Variants in OR6C74 observed in about 807,000 individuals in gnomAD.
OR6C74 encodes olfactory receptor family 6 subfamily C member 74, also known as olfactory receptor 6C74.
For missense variants in OR6C74, 361 were observed against 362.9 expected, an observed-to-expected ratio of 0.99 and a Z score of 0.04; for synonymous variants, 142 against 134.2, an observed-to-expected ratio of 1.06 and a Z score of -0.40.
Position 55,250,671 on chromosome 12 carries a change from G to T in OR6C74, c.*2445G>T, listed in dbSNP as rs1195937153. Among the ~76,000 whole-genome samples, 3 of 151,856 alleles carry T rather than the reference G, an allele frequency of 2.0e-5. No individual in the cohort carries two copies. The highest frequency in any genetic ancestry group is 4.4e-5 in the Non-Finnish European group (3 of 67,930). ...TCTAAAAAATATTAAAATCTCATTT[G>T]TTCACCTGTTTAACTCATTTCTAAT... On this transcript the variant is annotated 3_prime_UTR_variant, in exon 2 of 2. Transcript: ENST00000343399.
rs541519242 is a variant in OR6C74, at chr12:55,253,243, A to G, written c.*5017A>G. 1.3e-5 allele frequency among the ~76,000 whole-genome samples: 2 copies of G among 152,212 alleles called. No homozygotes were observed. Among genetic ancestry groups the G allele is most frequent in the African/African-American group, 4.8e-5 (2 of 41,564 alleles). ...ATTCTAGTAAATGGGCCATAACTGA[A>G]AAGACAGTTGCAATTGAATTTACTA... On this transcript the variant is annotated 3_prime_UTR_variant, in exon 2 of 2. Transcript: ENST00000343399.
chr12:55,246,541 C>T (rs1954271164), intron 1 of OR6C74, among the ~76,000 whole-genome samples: 1 of 151,974 alleles, frequency 6.6e-6, no homozygotes, highest in African/African-American at 2.4e-5. Context: ...TTTGTAGGAC[C>T]CTCCTCTGTC....
At chr12:55,246,286 C>T (rs12581486) in intron 1 of OR6C74, among the ~76,000 whole-genome samples, 2,502 of 152,192 alleles carry the variant, frequency 0.016, 65 homozygotes, top group African/African-American at 0.05. Context: ...ATGGCCATGG[C>T]AACAGGGGGA....
In OR6C74 at chr12:55,254,078, CTCA is replaced by C. The variant is rs572921149; in HGVS notation, c.*5854_*5856del. 7.9e-5 allele frequency among the ~76,000 whole-genome samples: 12 copies of C among 152,152 alleles called. No homozygotes were observed. In the South Asian group the frequency reaches 2.3e-3, roughly 29 times the overall value. On this transcript the variant is annotated 3_prime_UTR_variant, in exon 2 of 2. Coordinates refer to ENST00000343399, the MANE Select transcript of OR6C74 (RefSeq NM_001005490.2). ...CCAATAAGTAACCACACTGAATATG[CTCA>C]TATCAGTTAAGTGCTATTACATAGC...
In OR6C74 at chr12:55,253,486, T is replaced by C. The variant is rs1403893610; in HGVS notation, c.*5260T>C. Among the ~76,000 whole-genome samples, 1 of 152,122 alleles carries C rather than the reference T, an allele frequency of 6.6e-6. No homozygotes were observed. ...TGAGGGAGACCATATGGTTTTCCAC[T>C]TGGCCCTGAATATATGTGTTTTAAC... On this transcript the variant is annotated 3_prime_UTR_variant, in exon 2 of 2. Transcript: ENST00000343399.
Position 55,256,272 on chromosome 12 carries a change from G to A in OR6C74, c.*8046G>A, listed in dbSNP as rs867558364. On this transcript the variant is annotated 3_prime_UTR_variant, in exon 2 of 2. Transcript: ENST00000343399. ...AGCCTATAAATGGACGCATTGGGGG[G>A]GCACCTGTTCATATGGATAAGATAG... 5.3e-5 allele frequency among the ~76,000 whole-genome samples: 8 copies of A among 151,872 alleles called. No individual in the cohort carries two copies. The South Asian group carries it at 1.0e-3, about 20-fold the overall frequency.
rs180706292 is a variant in OR6C74 at position 55,256,216 on chromosome 12, G to C, written c.*7990G>C. Among the ~76,000 whole-genome samples, 426 of 152,168 alleles carry C rather than the reference G, an allele frequency of 2.8e-3. 4 individuals carry two copies. The highest frequency in any genetic ancestry group is 9.7e-3 in the African/African-American group (404 of 41,524). ...TGTCCCAGAAAAGCAGATGTTCATA[G>C]CTCTGGGAATGGAATGGGACCCTTG... On this transcript the variant is annotated 3_prime_UTR_variant, in exon 2 of 2. Coordinates refer to ENST00000343399, the MANE Select transcript of OR6C74 (RefSeq NM_001005490.2).
rs1193199370 is a variant in OR6C74 at position 55,252,358 on chromosome 12, T to C, written c.*4132T>C. On this transcript the variant is annotated 3_prime_UTR_variant, in exon 2 of 2. Coordinates refer to ENST00000343399, the MANE Select transcript of OR6C74 (RefSeq NM_001005490.2). Reference sequence around the variant, plus strand: ...AATGCTTCACAATAATGTGGATCCATTTTAAATGAACTGGAAATCACAATA... The same window carrying C: ...AATGCTTCACAATAATGTGGATCCACTTTAAATGAACTGGAAATCACAATA... Among the ~76,000 whole-genome samples, 1 of 151,818 alleles carries C rather than the reference T, an allele frequency of 6.6e-6. No homozygotes were observed. The highest frequency in any genetic ancestry group is 2.4e-5 in the African/African-American group (1 of 41,400).
rs1452188633 is a variant in OR6C74 at position 55,251,853 on chromosome 12, AC to A, written c.*3628del. 2.0e-5 allele frequency among the ~76,000 whole-genome samples: 3 copies of A among 151,766 alleles called. No homozygotes were observed. Among genetic ancestry groups the A allele is most frequent in the Admixed American group, 6.6e-5 (1 of 15,230 alleles). On this transcript the variant is annotated 3_prime_UTR_variant, in exon 2 of 2. Transcript: ENST00000343399. ...TGTCATATGAGAAAATATTTAGGGT[AC>A]TAATGACATGGAGCTTGAGAAAAAA...
At chr12:55,246,331 A>T (rs1954269841) in intron 1 of OR6C74, among the ~76,000 whole-genome samples, 1 of 152,158 alleles carries the variant, frequency 6.6e-6, no homozygotes, top group Non-Finnish European at 1.5e-5. Flanking sequence ...GACAATTACG[A>T]GGGAAGTCCA....
At position 55,256,565 on chromosome 12, in the gene OR6C74, G is replaced by T. The variant is rs2136317141; in HGVS notation, c.*8339G>T. 6.6e-6 allele frequency among the ~76,000 whole-genome samples: 1 copy of T among 152,142 alleles called. No individual in the cohort carries two copies. Among genetic ancestry groups the T allele is most frequent in the Admixed American group, 6.5e-5 (1 of 15,274 alleles). ...TTGTAAACTCTTATCTCTGTATACT[G>T]TACTTCTGCATACAGATGTTATGTT... On this transcript the variant is annotated 3_prime_UTR_variant, in exon 2 of 2. Coordinates refer to ENST00000343399, the MANE Select transcript of OR6C74 (RefSeq NM_001005490.2).
Position 55,247,625 on chromosome 12 carries a change from T to C in OR6C74, c.338T>C (p.Leu113Pro). ...TTGGGGGCAACTGAATTTTTTCTTC[T>C]GGCTGCCATGTCCTATGAGCGCTAT... ...ILLGATEFFLLAAMSYERYVA... is the reference protein window; with the variant it reads ...ILLGATEFFLPAAMSYERYVA... The change falls in exon 2 of 2, where the codon CTG becomes CCG. Residue 113 changes from leucine to proline, a missense_variant. By Grantham distance (98) the Leu-to-Pro change is moderately conservative (BLOSUM62 -3). Coordinates refer to ENST00000343399, the MANE Select transcript of OR6C74 (RefSeq NM_001005490.2). The C allele has an allele frequency of 6.2e-7, 1 of 1,613,900 alleles. No homozygotes were observed. The highest frequency in any genetic ancestry group is 8.5e-7 in the Non-Finnish European group (1 of 1,179,944).
Position 55,248,061 on chromosome 12 carries a change from G to T in OR6C74, c.774G>T (p.Val258=). Residue 258 remains valine, a synonymous_variant, in exon 2 of 2, where the codon GTG becomes GTT. Coordinates refer to ENST00000343399, the MANE Select transcript of OR6C74 (RefSeq NM_001005490.2). ...ISYGSCIFMY[V]KPSAKERVSL... is the part of the protein sequence containing the mutation. ...ATGGCAGCTGCATCTTCATGTATGT[G>T]AAACCCTCAGCAAAAGAAAGAGTGT... 6.2e-7 allele frequency: 1 copy of T among 1,614,044 alleles called. No homozygotes were observed. The highest frequency in any genetic ancestry group is 1.1e-5 in the South Asian group (1 of 91,068).
At position 55,255,225 on chromosome 12, in the gene OR6C74, C is replaced by T. The variant is rs1954335701; in HGVS notation, c.*6999C>T. On this transcript the variant is annotated 3_prime_UTR_variant, in exon 2 of 2. Transcript: ENST00000343399. Reference sequence around the variant, plus strand: ...TTGTGTTACAGACTGATTGTGTCTGCTCTACCCATGGAGCCCCCTCTGCAT... The same window carrying T: ...TTGTGTTACAGACTGATTGTGTCTGTTCTACCCATGGAGCCCCCTCTGCAT... Among the ~76,000 whole-genome samples the T allele has an allele frequency of 6.6e-6, 1 of 152,084 alleles. No individual in the cohort carries two copies. The highest frequency in any genetic ancestry group is 2.1e-4 in the South Asian group (1 of 4,826).
rs971317028 is a variant in OR6C74, at chr12:55,251,434, C to T, written c.*3208C>T. 6.6e-6 allele frequency among the ~76,000 whole-genome samples: 1 copy of T among 151,904 alleles called. No homozygotes were observed. Among genetic ancestry groups the T allele is most frequent in the African/African-American group, 2.4e-5 (1 of 41,388 alleles). ...CATAGTTTTCTACATTCTCTTCATC[C>T]AAGCCGGTGCCTAGTAAGGAATAAA... On this transcript the variant is annotated 3_prime_UTR_variant, in exon 2 of 2. Transcript: ENST00000343399.
chr12:55,249,752 T>C lies in OR6C74; in HGVS notation c.*1526T>C, dbSNP rs904177312. Among the ~76,000 whole-genome samples the C allele has an allele frequency of 3.3e-5, 5 of 151,790 alleles. No individual in the cohort carries two copies. The highest frequency in any genetic ancestry group is 7.4e-5 in the Non-Finnish European group (5 of 68,012). On this transcript the variant is annotated 3_prime_UTR_variant, in exon 2 of 2. Transcript: ENST00000343399. ...TTTGGCTTTCTTTGCATCAGGAATT[T>C]AAGTTTTTTTTTATTATTATACTTT...
Position 55,249,803 on chromosome 12 carries a change from G to A in OR6C74, c.*1577G>A, listed in dbSNP as rs886979565. Reference sequence around the variant, plus strand: ...AAGTTCTAGGGTACATGTGCACAACGTGCAGGTTTGTTAACATATGTATAC... The same window carrying A: ...AAGTTCTAGGGTACATGTGCACAACATGCAGGTTTGTTAACATATGTATAC... On this transcript the variant is annotated 3_prime_UTR_variant, in exon 2 of 2. Transcript: ENST00000343399. Among the ~76,000 whole-genome samples, 4 of 146,720 alleles carry A rather than the reference G, an allele frequency of 2.7e-5. No homozygotes were observed. Among genetic ancestry groups the A allele is most frequent in the Non-Finnish European group, 4.4e-5 (3 of 67,878 alleles).
chr12:55,247,910 C>T lies in OR6C74; in HGVS notation c.623C>T (p.Thr208Ile), dbSNP rs1448363139. 6.2e-7 allele frequency: 1 copy of T among 1,613,828 alleles called. No homozygotes were observed. Among genetic ancestry groups the T allele is most frequent in the African/African-American group, 1.3e-5 (1 of 74,908 alleles). The change falls in exon 2 of 2, where the codon ACA becomes ATA. Residue 208 changes from threonine to isoleucine, a missense_variant. Coordinates refer to ENST00000343399, the MANE Select transcript of OR6C74 (RefSeq NM_001005490.2). ...LLSAILTLLV[T>I]LVLVILSYTN... ...TCAGCCATTTTGACGCTCCTGGTTA[C>T]ACTGGTATTAGTGATTCTCTCCTAC...
rs533628325 is a variant in OR6C74, at chr12:55,250,536, A to T, written c.*2310A>T. On this transcript the variant is annotated 3_prime_UTR_variant, in exon 2 of 2. Transcript: ENST00000343399. ...TTACGATGGGAAAAGATTAGTGAAG[A>T]TCATTTTTTACTTAATTTGAAATAA... is the stretch of plus-strand genomic sequence containing the variant. Among the ~76,000 whole-genome samples, 14 of 152,228 alleles carry T rather than the reference A, an allele frequency of 9.2e-5. No individual in the cohort carries two copies. Among genetic ancestry groups the T allele is most frequent in the African/African-American group, 3.1e-4 (13 of 41,558 alleles).
Sources: gnomAD v4.1 joint callset for allele counts (sites outside exome capture counted in the v4.1 genomes callset) on GRCh38, gnomAD v4.1.1 for gene constraint, MANE v1.5 for transcripts, NCBI Gene and HGNC (gene_info 2026-07-23, HGNC 2026-07-21) for gene names.